Variants in RPGRIP1L observed in about 807,000 individuals in gnomAD.
The protein encoded by RPGRIP1L is protein fantom.
Under a neutral mutation model 160.4 loss-of-function variants are expected in RPGRIP1L, and 131 were observed. The observed-to-expected ratio is 0.82, with a 90% confidence interval of 0.71 to 0.94. The LOEUF (loss-of-function observed/expected upper bound fraction) is 0.94, where lower values mean the gene tolerates loss of function less well. Among genes scored for constraint, RPGRIP1L ranks in the 40% least tolerant of loss-of-function variants. The probability of loss-of-function intolerance (pLI) is 0.00; values close to 1 mark genes in which losing one functional copy is unlikely to be tolerated. For synonymous variants in RPGRIP1L, 510 were observed against 515.8 expected, an observed-to-expected ratio of 0.99 and a Z score of 0.15; for missense variants, 1,522 against 1,535.8, an observed-to-expected ratio of 0.99 and a Z score of 0.15.
intron 14 of RPGRIP1L, among the ~76,000 whole-genome samples, chr16:53,653,671 C>T (rs1255096741): frequency 1.3e-5 from 2 of 152,192 alleles, no homozygotes; most frequent in Non-Finnish European, 2.9e-5. Context: ...ATGTCATCAT[C>T]TTCTCTGCTT....
rs373743619 is a variant in RPGRIP1L at position 53,631,837 on chromosome 16, T to C, written c.3294+4602A>G. 9.8e-5 allele frequency among the ~76,000 whole-genome samples: 15 copies of C among 152,330 alleles called. No individual in the cohort carries two copies. The East Asian group carries it at 1.9e-3, about 20-fold the overall frequency. On this transcript the variant is annotated intron_variant, in intron 22 of 26. Transcript: ENST00000647211. ...GCAAGGCCCAATTACACTTGCGCTA[T>C]GTGGCACTTTGATGTCCGGGAAACG...
At chr16:53,692,683 C>G (rs540018295) in intron 3 of RPGRIP1L, among the ~76,000 whole-genome samples, 2 of 152,326 alleles carry the variant, frequency 1.3e-5, no homozygotes, top group South Asian at 2.1e-4. Flanking sequence ...GAATGCTGTA[C>G]GCACTTAAGT....
intron 24 of RPGRIP1L, 49 bp downstream of exon 24, chr16:53,618,976 A>G (rs1412983010): frequency 1.4e-6 from 2 of 1,433,356 alleles, no homozygotes; most frequent in South Asian, 1.2e-5. Context: ...TCTTTCATAA[A>G]TAAAAAAGAC....
intron 19 of RPGRIP1L, among the ~76,000 whole-genome samples, chr16:53,639,946 A>T (rs970219542): frequency 6.6e-5 from 10 of 152,208 alleles, no homozygotes; most frequent in Admixed American, 2.0e-4. Context: ...AGGTGTATAC[A>T]TATTTAAAAA....
intron 4 of RPGRIP1L, 22 bp downstream of exon 4, chr16:53,692,043 AT>A (rs762378035): frequency 1.2e-5 from 20 of 1,611,366 alleles, no homozygotes; most frequent in Non-Finnish European, 1.7e-5. Flanking sequence ...TTCAGTTTAG[AT>A]TTAACGTAAG....
chr16:53,682,738 G>A (rs1428940658), intron 6 of RPGRIP1L, among the ~76,000 whole-genome samples: 2 of 152,202 alleles, frequency 1.3e-5, no homozygotes, highest in Non-Finnish European at 2.9e-5. Flanking sequence ...CATATTCAGT[G>A]TTGAGAGGTC....
At chr16:53,630,634 TAAGA>T (rs1475507125) in intron 22 of RPGRIP1L, among the ~76,000 whole-genome samples, 1 of 152,148 alleles carries the variant, frequency 6.6e-6, no homozygotes, top group Non-Finnish European at 1.5e-5. Flanking sequence ...GGTATATTAG[TAAGA>T]GTTAGTTAAA....
chr16:53,623,736 A>G (rs1199771424), intron 22 of RPGRIP1L, among the ~76,000 whole-genome samples: 1 of 152,172 alleles, frequency 6.6e-6, no homozygotes, highest in African/African-American at 2.4e-5. Flanking sequence ...ACTACATGGA[A>G]CTGTTCACAT....
In RPGRIP1L at chr16:53,664,895, G is replaced by A. The variant is rs1598357541; in HGVS notation, c.1218C>T (p.Ile406=). ...LKSDLTDKTE[I]LDRLKTERDQ... is the part of the protein sequence containing the mutation. ...CTCTTTCAGTTTTTAATCTGTCAAG[G>A]ATTTCAGTTTTGTCTGTTAAGTCAG... Residue 406 remains isoleucine (I), a synonymous_variant, in exon 10 of 27, where the codon ATC becomes ATT. Transcript: ENST00000647211. 6.2e-7 allele frequency: 1 copy of A among 1,611,942 alleles called. No homozygotes were observed. Among genetic ancestry groups the A allele is most frequent in the African/African-American group, 1.3e-5 (1 of 75,044 alleles).
chr16:53,700,082 C>G (rs2053744814), intron 2 of RPGRIP1L, among the ~76,000 whole-genome samples: 1 of 152,176 alleles, frequency 6.6e-6, no homozygotes, highest in African/African-American at 2.4e-5. Flanking sequence ...ATAAACACAG[C>G]TCTCTGTTCT....
Position 53,696,174 on chromosome 16 carries a change from G to C in RPGRIP1L, c.207C>G (p.Arg69=). The C allele has an allele frequency of 6.2e-7, 1 of 1,613,892 alleles. No individual in the cohort carries two copies. The highest frequency in any genetic ancestry group is 1.1e-5 in the South Asian group (1 of 91,078). The part of the protein sequence containing the change: ...DENILLKQHA[R]KQEDKIKRMA... ...ACCTTTTAATTTTATCCTCCTGCTTGCGGGCATGCTGTTTAAGTAAAATGT... is the reference window on the plus strand; with the variant it reads ...ACCTTTTAATTTTATCCTCCTGCTTCCGGGCATGCTGTTTAAGTAAAATGT... Residue 69 remains arginine (R), a synonymous_variant, in exon 3 of 27, where the codon CGC becomes CGG. Coordinates refer to ENST00000647211, the MANE Select transcript of RPGRIP1L (RefSeq NM_015272.5).
intron 22 of RPGRIP1L, among the ~76,000 whole-genome samples, chr16:53,627,651 A>G (rs973176663): frequency 2.0e-5 from 3 of 152,156 alleles, no homozygotes; most frequent in African/African-American, 4.8e-5. Flanking sequence ...GTGTATATCT[A>G]TAAACAACAT....
chr16:53,619,019 A>T lies in RPGRIP1L; in HGVS notation c.3616+6T>A. ...AAAGTCTATATTACAAATGAATCATACATACCATTGCTATAGTTATAGTAG... is the reference window on the plus strand; with the variant it reads ...AAAGTCTATATTACAAATGAATCATTCATACCATTGCTATAGTTATAGTAG... On this transcript the variant is annotated splice_donor_region_variant and intron_variant, in intron 24 of 26. Transcript: ENST00000647211. 6.2e-7 allele frequency: 1 copy of T among 1,604,362 alleles called. No homozygotes were observed. The highest frequency in any genetic ancestry group is 8.5e-7 in the Non-Finnish European group (1 of 1,171,034).
At chr16:53,610,331 T>A (rs1249733646) in intron 25 of RPGRIP1L, among the ~76,000 whole-genome samples, 1 of 152,108 alleles carries the variant, frequency 6.6e-6, no homozygotes, top group East Asian at 1.9e-4. Flanking sequence ...CAAAAAATAA[T>A]AATGAAATGA....
In RPGRIP1L at chr16:53,674,685, T is replaced by G. The variant is rs147487432; in HGVS notation, c.882+332A>C. 1.6e-3 allele frequency among the ~76,000 whole-genome samples: 245 copies of G among 152,228 alleles called. 2 individuals are homozygous for G. The highest frequency in any genetic ancestry group is 5.6e-3 in the African/African-American group (233 of 41,568). On this transcript the variant is annotated intron_variant, in intron 7 of 26. Transcript: ENST00000647211. ...AAGATATATGCAAATATGGCAAAAC[T>G]TCAGTGCTATGTGTCCATAATAAAT...
chr16:53,648,840 A>C (rs1966760389), intron 16 of RPGRIP1L, 124 bp downstream of exon 16: 3 of 897,160 alleles, frequency 3.3e-6, no homozygotes, highest in East Asian at 5.3e-5. Flanking sequence ...TGATTACTTC[A>C]AAATAAAAGT....
rs1440354333 is a variant in RPGRIP1L at position 53,693,528 on chromosome 16, G to GCTATGCAT, written c.231-1172_231-1165dup. 1.4e-4 allele frequency: 22 copies of GCTATGCAT among 152,316 alleles called. No individual in the cohort carries two copies. In the South Asian group the frequency reaches 4.6e-3, roughly 32 times the overall value. 9.4% of individuals were successfully genotyped at this position (152,316 alleles called of 1,614,324 possible). Reference sequence around the variant, plus strand: ...CCTACAGCATGTGGCATCAGGGAGAGCTATGCATAACATAATCAGTTAAGA... The same window carrying GCTATGCAT: ...CCTACAGCATGTGGCATCAGGGAGAGCTATGCATCTATGCATAACATAATCAGTTAAGA... On this transcript the variant is annotated intron_variant, in intron 3 of 26. Coordinates refer to ENST00000647211, the MANE Select transcript of RPGRIP1L (RefSeq NM_015272.5).
At position 53,601,906 on chromosome 16, in the gene RPGRIP1L, A is replaced by G; in HGVS notation, c.*170T>C. The G allele has an allele frequency of 1.6e-6, 1 of 626,722 alleles. No individual in the cohort carries two copies. The allele number at this position is 626,722 out of a possible 1,614,324, so 38.8% of individuals were successfully genotyped here. On this transcript the variant is annotated 3_prime_UTR_variant, in exon 27 of 27. Transcript: ENST00000647211. ...ATGAGAAGGAGGGAATAGAGAAATA[A>G]ACAAATGAAAAAGTATACAAAACTT...
At chr16:53,667,889 A>C (rs1349210377) in intron 9 of RPGRIP1L, among the ~76,000 whole-genome samples, 2 of 151,852 alleles carry the variant, frequency 1.3e-5, no homozygotes, top group Admixed American at 1.3e-4. Flanking sequence ...AAAATTAAAA[A>C]ATAATAATAA....
Sources: allele counts gnomAD v4.1 joint callset (sites outside exome capture counted in the v4.1 genomes callset), GRCh38; gene constraint gnomAD v4.1.1; transcripts MANE v1.5; gene names NCBI Gene and HGNC (gene_info 2026-07-23, HGNC 2026-07-21).